AKAP19: variants seen among roughly 807,000 people sequenced by gnomAD.
AKAP19 encodes small A-kinase anchoring protein.
the AKAP19 span, among the ~76,000 whole-genome samples, chr2:189,929,097 G>A: frequency 2.1e-4 from 32 of 152,252 alleles, no homozygotes; most frequent in Admixed American, 2.0e-3. Flanking sequence ...AAGTCATGTG[G>A]TTATACAAAT....
the AKAP19 span, among the ~76,000 whole-genome samples, chr2:190,146,529 G>T: frequency 9.2e-5 from 14 of 152,180 alleles, no homozygotes; most frequent in African/African-American, 3.1e-4. Flanking sequence ...TAATGGGATT[G>T]CTGGATCAAA....
chr2:190,119,550 G>A, the AKAP19 span, among the ~76,000 whole-genome samples: 3 of 152,252 alleles, frequency 2.0e-5, no homozygotes, highest in Admixed American at 2.0e-4. Flanking sequence ...GAGGACAACC[G>A]TGAGAATCGC....
At chr2:190,040,497 G>C in the AKAP19 span, among the ~76,000 whole-genome samples, 1 of 152,076 alleles carries the variant, frequency 6.6e-6, no homozygotes. Flanking sequence ...AGTTTCTTTT[G>C]CTGTGCAGAA....
the AKAP19 span, among the ~76,000 whole-genome samples, chr2:190,133,573 C>T: frequency 6.6e-6 from 1 of 152,180 alleles, no homozygotes; most frequent in Non-Finnish European, 1.5e-5. Context: ...ATCTGCACCC[C>T]TATGTTCATT....
chr2:189,886,100 T>C, the AKAP19 span, among the ~76,000 whole-genome samples: 3 of 152,192 alleles, frequency 2.0e-5, no homozygotes, highest in Non-Finnish European at 4.4e-5. Flanking sequence ...TAAGTCACTG[T>C]GCCCAGCCTA....
the AKAP19 span, among the ~76,000 whole-genome samples, chr2:189,985,715 G>T: frequency 6.6e-6 from 1 of 152,202 alleles, no homozygotes; most frequent in Non-Finnish European, 1.5e-5. Flanking sequence ...CTTGAGTTCA[G>T]ATTTGTAATA....
chr2:190,020,950 T>G, the AKAP19 span, among the ~76,000 whole-genome samples: 2 of 152,220 alleles, frequency 1.3e-5, no homozygotes. Flanking sequence ...AATGTTATAT[T>G]AGCATAACCT....
At chr2:190,159,348 C>G in the AKAP19 span, among the ~76,000 whole-genome samples, 2 of 152,208 alleles carry the variant, frequency 1.3e-5, no homozygotes, top group Middle Eastern at 6.8e-3. Flanking sequence ...TTGTGCTGAG[C>G]CTTTGTATTC....
At chr2:189,996,955 G>A in the AKAP19 span, among the ~76,000 whole-genome samples, 1 of 152,220 alleles carries the variant, frequency 6.6e-6, no homozygotes, top group Non-Finnish European at 1.5e-5. Context: ...CTGTGTTCAG[G>A]TCTCCCAGCC....
At chr2:190,180,072 A>T in the AKAP19 span, among the ~76,000 whole-genome samples, 1,029 of 152,348 alleles carry the variant, frequency 6.8e-3, 12 homozygotes, top group African/African-American at 0.022. The surrounding 1 kb of genome is among the most constrained non-coding windows in gnomAD (Gnocchi z 6.8). Context: ...ACACGCTTGG[A>T]AAATGTTCTT....
At chr2:189,896,162 C>G in the AKAP19 span, among the ~76,000 whole-genome samples, 1 of 151,928 alleles carries the variant, frequency 6.6e-6, no homozygotes, top group African/African-American at 2.4e-5. Context: ...TATATTATTT[C>G]TAAACTTAAA....
chr2:190,130,568 G>A, the AKAP19 span, among the ~76,000 whole-genome samples: 1 of 152,176 alleles, frequency 6.6e-6, no homozygotes, highest in Admixed American at 6.5e-5. Flanking sequence ...TTGTTGGTAA[G>A]ATTCAACTAC....
the AKAP19 span, among the ~76,000 whole-genome samples, chr2:190,165,407 A>G: frequency 1.3e-5 from 2 of 152,332 alleles, no homozygotes; most frequent in East Asian, 3.9e-4. Flanking sequence ...ACTGTACTCC[A>G]GCTTAGACAA....
the AKAP19 span, among the ~76,000 whole-genome samples, chr2:189,955,519 T>C: frequency 6.6e-6 from 1 of 152,198 alleles, no homozygotes; most frequent in Non-Finnish European, 1.5e-5. Flanking sequence ...GCTGTATTTT[T>C]AGTTCTTTGA....
At chr2:190,012,322 A>G in the AKAP19 span, among the ~76,000 whole-genome samples, 4 of 152,026 alleles carry the variant, frequency 2.6e-5, no homozygotes, top group African/African-American at 9.7e-5. Flanking sequence ...ACAGTTTTGC[A>G]TACAGATATT....
At chr2:189,969,869 CTT>C in the AKAP19 span, among the ~76,000 whole-genome samples, 3,279 of 109,540 alleles carry the variant, frequency 0.03, 63 homozygotes, top group African/African-American at 0.11. Flanking sequence ...TCTTCTTCTT[CTT>C]TTTTTTTTTT....
chr2:190,171,244 A>AT, the AKAP19 span, among the ~76,000 whole-genome samples: 1 of 150,200 alleles, frequency 6.7e-6, no homozygotes, highest in Admixed American at 6.7e-5. Flanking sequence ...AAAAAAAAAA[A>AT]CAAACAGTGC....
chr2:189,981,528 T>C, the AKAP19 span, among the ~76,000 whole-genome samples: 2 of 152,184 alleles, frequency 1.3e-5, no homozygotes, highest in African/African-American at 4.8e-5. Context: ...ACATGTGAGG[T>C]TTTGTTCCTG....
chr2:190,199,161 A>C, the AKAP19 span, among the ~76,000 whole-genome samples: 1 of 152,202 alleles, frequency 6.6e-6, no homozygotes, highest in Non-Finnish European at 1.5e-5. Context: ...GGGGAGGAAC[A>C]AAATTTTGAT....
Sources: allele counts gnomAD v4.1 joint callset (sites outside exome capture counted in the v4.1 genomes callset), GRCh38; gene constraint gnomAD v4.1.1; non-coding constraint Gnocchi (gnomAD v3.1); transcripts MANE v1.5; gene names NCBI Gene and HGNC (gene_info 2026-07-23, HGNC 2026-07-21).